Variants in TSPEAR observed in about 807,000 individuals in gnomAD.
TSPEAR encodes thrombospondin-type laminin G domain and EAR repeat-containing protein.
A neutral mutation model predicts 71.6 loss-of-function variants in TSPEAR; 69 were observed. The ratio of observed to expected loss-of-function variants is 0.96; its 90% CI spans 0.79 to 1.18. The LOEUF (loss-of-function observed/expected upper bound fraction) is 1.18, where lower values mean the gene tolerates loss of function less well. Among genes scored for constraint, TSPEAR ranks in the 50% most tolerant of loss-of-function variants. The probability of loss-of-function intolerance (pLI) is 0.00; values close to 1 mark genes in which losing one functional copy is unlikely to be tolerated. For missense variants in TSPEAR, 971 were observed against 894.9 expected, an observed-to-expected ratio of 1.09 and a Z score of -1.09; for synonymous variants, 402 against 387.2, an observed-to-expected ratio of 1.04 and a Z score of -0.45.
At chr21:44,709,847 T>C (rs530075592) in intron 1 of TSPEAR, among the ~76,000 whole-genome samples, 2 of 152,396 alleles carry the variant, frequency 1.3e-5, no homozygotes, top group South Asian at 4.1e-4. Flanking sequence ...CTGGCCCTTA[T>C]GCTAGTCTCT....
chr21:44,509,712 G>A, intron 9 of TSPEAR: 2 of 326,044 alleles, frequency 6.1e-6, no homozygotes, highest in South Asian at 6.8e-5. Context: ...CCTGCTGGCA[G>A]CCTCCTTGGC....
chr21:44,672,377 T>C (rs781965715), intron 1 of TSPEAR, among the ~76,000 whole-genome samples: 1 of 152,156 alleles, frequency 6.6e-6, no homozygotes. Context: ...GAGACCATCC[T>C]GGCTAACACG....
At chr21:44,654,472 G>C in intron 1 of TSPEAR, 1 of 1,613,988 alleles carries the variant, frequency 6.2e-7, no homozygotes, top group African/African-American at 1.3e-5. Flanking sequence ...CCCACACAGG[G>C]GCCGGCACAG....
intron 9 of TSPEAR, among the ~76,000 whole-genome samples, chr21:44,513,260 A>G (rs1416730974): frequency 6.6e-6 from 1 of 152,110 alleles, no homozygotes; most frequent in South Asian, 2.1e-4. Context: ...TGCAGGTTGG[A>G]GTGAACCTGT....
At chr21:44,521,448 C>A (rs931062233) in intron 9 of TSPEAR, among the ~76,000 whole-genome samples, 24 of 152,214 alleles carry the variant, frequency 1.6e-4, no homozygotes, top group Non-Finnish European at 2.8e-4. Flanking sequence ...CCCGACCCGG[C>A]CCCCACGCTG....
chr21:44,521,934 C>A lies in TSPEAR; in HGVS notation c.1515G>T (p.Ser505=), dbSNP rs150444121. The A allele has an allele frequency of 6.2e-7, 1 of 1,614,030 alleles. No homozygotes were observed. Among genetic ancestry groups the A allele is most frequent in the South Asian group, 1.1e-5 (1 of 91,078 alleles). ...AGCCCAGGAGTCGGATGTAGAGGTGCGAGTGCACCTTGGTGGAGGTGCCGT... is the reference window on the plus strand; with the variant it reads ...AGCCCAGGAGTCGGATGTAGAGGTGAGAGTGCACCTTGGTGGAGGTGCCGT... The part of the protein sequence containing the change: ...TFNGTSTKVH[S]HLYIRLLGSF... Residue 505 remains serine, a synonymous_variant, in exon 9 of 12, where the codon TCG becomes TCT. Transcript: ENST00000323084.
intron 1 of TSPEAR, among the ~76,000 whole-genome samples, chr21:44,672,126 AC>A (rs1403953851): frequency 6.6e-6 from 1 of 152,174 alleles, no homozygotes; most frequent in Non-Finnish European, 1.5e-5. Context: ...GAAGTTGAAG[AC>A]TGGTCTTTTG....
intron 1 of TSPEAR, chr21:44,579,382 A>C: frequency 3.3e-6 from 1 of 299,070 alleles, no homozygotes; most frequent in Non-Finnish European, 6.2e-6. Flanking sequence ...ACTCATTCAT[A>C]GAAACAGTCA....
At chr21:44,528,029 C>T (rs782184482) in intron 6 of TSPEAR, among the ~76,000 whole-genome samples, 17 of 152,114 alleles carry the variant, frequency 1.1e-4, no homozygotes, top group African/African-American at 1.7e-4. Context: ...AGGCGGCAGC[C>T]GGGCCACCCT....
intron 1 of TSPEAR, among the ~76,000 whole-genome samples, chr21:44,696,940 G>A (rs1444862389): frequency 1.3e-5 from 2 of 152,074 alleles, no homozygotes; most frequent in African/African-American, 4.8e-5. Context: ...CCTTGTGCTG[G>A]GACAACACAC....
intron 1 of TSPEAR, among the ~76,000 whole-genome samples, chr21:44,615,877 C>G (rs1982059049): frequency 6.6e-6 from 1 of 152,192 alleles, no homozygotes; most frequent in South Asian, 2.1e-4. Flanking sequence ...GGGACCAGAC[C>G]CTGAGCATTC....
intron 1 of TSPEAR, among the ~76,000 whole-genome samples, chr21:44,599,999 G>GC (rs2146144187): frequency 6.6e-6 from 1 of 152,286 alleles, no homozygotes; most frequent in South Asian, 2.1e-4. Context: ...GGGGTGCACG[G>GC]CCCCCCAGGA....
At chr21:44,705,280 G>A (rs566830829) in intron 1 of TSPEAR, among the ~76,000 whole-genome samples, 35 of 152,294 alleles carry the variant, frequency 2.3e-4, no homozygotes, top group African/African-American at 8.2e-4. Context: ...TGAGGAGGGT[G>A]TATATCATTC....
intron 1 of TSPEAR, among the ~76,000 whole-genome samples, chr21:44,641,380 T>G (rs1984011483): frequency 6.6e-6 from 1 of 152,162 alleles, no homozygotes; most frequent in Non-Finnish European, 1.5e-5. Flanking sequence ...AACTCAATGA[T>G]GGTCTGCATA....
At chr21:44,580,517 TC>T in intron 1 of TSPEAR, 5 of 1,613,664 alleles carry the variant, frequency 3.1e-6, no homozygotes. Context: ...CTCTGGGCAG[TC>T]GTCCACTCGC....
intron 8 of TSPEAR, among the ~76,000 whole-genome samples, chr21:44,525,312 A>T (rs587630829): frequency 6.6e-6 from 1 of 152,242 alleles, no homozygotes; most frequent in Admixed American, 6.5e-5. Context: ...GCAGTCAGTC[A>T]TCAGGTAATT....
chr21:44,676,179 G>A, intron 1 of TSPEAR: 3 of 1,216,922 alleles, frequency 2.5e-6, no homozygotes, highest in South Asian at 1.2e-5. Flanking sequence ...ACTGGTACAA[G>A]CTATTTCTGG....
chr21:44,673,734 T>C (rs1190919039), intron 1 of TSPEAR, among the ~76,000 whole-genome samples: 3 of 152,174 alleles, frequency 2.0e-5, no homozygotes, highest in Admixed American at 6.5e-5. Context: ...CTCAACTAAC[T>C]TTAAAAAATC....
Position 44,506,102 on chromosome 21 carries a change from C to G in TSPEAR, c.1755-1221G>C, listed in dbSNP as rs2052193443. Among the ~76,000 whole-genome samples the G allele has an allele frequency of 6.6e-6, 1 of 152,208 alleles. No homozygotes were observed. Among genetic ancestry groups the G allele is most frequent in the Non-Finnish European group, 1.5e-5 (1 of 68,040 alleles). ...GTGCCTACAGGACCTGCAGGACCTG[C>G]TCGTTCACAGATGTTCTCCTAGAAG... is the stretch of plus-strand genomic sequence containing the variant. On this transcript the variant is annotated intron_variant, in intron 10 of 11. Coordinates refer to ENST00000323084, the MANE Select transcript of TSPEAR (RefSeq NM_144991.3). This position sits in a 1 kb window ranked among gnomAD's most constrained non-coding sequence, Gnocchi z 4.2.
Sources: allele counts gnomAD v4.1 joint callset (sites outside exome capture counted in the v4.1 genomes callset), GRCh38; gene constraint gnomAD v4.1.1; non-coding constraint Gnocchi (gnomAD v3.1); transcripts MANE v1.5; gene names NCBI Gene and HGNC (gene_info 2026-07-23, HGNC 2026-07-21).